The following KAT14 variants were observed in gnomAD, a reference collection of about 807,000 sequenced individuals.
The protein encoded by KAT14 is lysine acetyltransferase 14, also known as cysteine-rich protein 2-binding protein.
In KAT14, 66 loss-of-function variants were observed where a neutral mutation model predicts 78.4. The ratio of observed to expected loss-of-function variants is 0.84; its 90% CI spans 0.69 to 1.03. KAT14 has a LOEUF of 1.03. KAT14 is among the 50% of genes least tolerant of loss of function. The probability of loss-of-function intolerance (pLI) is 0.00; values close to 1 mark genes in which losing one functional copy is unlikely to be tolerated. For synonymous variants in KAT14, 344 were observed against 359.4 expected, an observed-to-expected ratio of 0.96 and a Z score of 0.48; for missense variants, 870 against 972.5, an observed-to-expected ratio of 0.89 and a Z score of 1.40.
At chr20:18,185,734 A>G (rs1451870361) in intron 10 of KAT14, among the ~76,000 whole-genome samples, 2 of 152,198 alleles carry the variant, frequency 1.3e-5, no homozygotes, top group African/African-American at 2.4e-5. Flanking sequence ...GGAGGATTAT[A>G]TGTTTATGCA....
intron 1 of KAT14, among the ~76,000 whole-genome samples, chr20:18,139,990 A>G (rs2037468168): frequency 6.6e-6 from 1 of 152,192 alleles, no homozygotes; most frequent in South Asian, 2.1e-4. Flanking sequence ...GAAAGTTGTT[A>G]GAAAGGTAGT....
In KAT14 at chr20:18,145,365, C is replaced by T. The variant is rs373044420; in HGVS notation, c.378+14C>T. The T allele has an allele frequency of 4.3e-6, 7 of 1,613,536 alleles. No individual in the cohort carries two copies. The African/African-American group carries it at 5.3e-5, about 12-fold the overall frequency. ...ACATGGCAGCAAGTGAGTAAAAAGCCCTTCCCCAAATCCATGAGGGTGGTT... is the reference window on the plus strand; with the variant it reads ...ACATGGCAGCAAGTGAGTAAAAAGCTCTTCCCCAAATCCATGAGGGTGGTT... On this transcript the variant is annotated intron_variant, in intron 3 of 10. Coordinates refer to ENST00000688188, the MANE Select transcript of KAT14 (RefSeq NM_001392073.1).
chr20:18,141,029 T>TTTTA (rs2037534579), intron 1 of KAT14, among the ~76,000 whole-genome samples: 2 of 13,186 alleles, frequency 1.5e-4, no homozygotes, highest in South Asian at 5.4e-3. Flanking sequence ...TGCAATTTTT[T>TTTTA]TTTTTTTTTT....
intron 4 of KAT14, among the ~76,000 whole-genome samples, chr20:18,151,603 T>C (rs963396732): frequency 6.6e-6 from 1 of 152,116 alleles, no homozygotes; most frequent in African/African-American, 2.4e-5. Context: ...GGGATTATGG[T>C]GGGTGTGAAT....
At chr20:18,172,006 A>G (rs908990178) in intron 7 of KAT14, among the ~76,000 whole-genome samples, 3 of 152,216 alleles carry the variant, frequency 2.0e-5, no homozygotes, top group Non-Finnish European at 4.4e-5. Context: ...TCAGATGATC[A>G]TTGGCATTTT....
intron 4 of KAT14, among the ~76,000 whole-genome samples, chr20:18,157,435 C>A (rs1452045014): frequency 6.6e-6 from 1 of 152,148 alleles, no homozygotes; most frequent in Admixed American, 6.5e-5. Flanking sequence ...GTTGCCCAGA[C>A]TTCTGTTTGT....
chr20:18,143,782 C>T (rs755682918), intron 2 of KAT14, among the ~76,000 whole-genome samples: 1 of 151,756 alleles, frequency 6.6e-6, no homozygotes, highest in African/African-American at 2.4e-5. Context: ...CATGCGCCAC[C>T]ATGCCCGGCC....
At chr20:18,176,131 G>A (rs1053791933) in intron 7 of KAT14, among the ~76,000 whole-genome samples, 8 of 151,676 alleles carry the variant, frequency 5.3e-5, no homozygotes, top group South Asian at 2.1e-4. Flanking sequence ...ATGAAACCCC[G>A]TCTCTACTAA....
chr20:18,143,111 A>G (rs546142589), intron 2 of KAT14, 192 bp downstream of exon 2: 24 of 1,344,238 alleles, frequency 1.8e-5, no homozygotes, highest in East Asian at 1.1e-4. Context: ...GTCAACCTCT[A>G]TCACATTGTT....
intron 4 of KAT14, among the ~76,000 whole-genome samples, chr20:18,152,231 C>T (rs931317924): frequency 7.9e-5 from 12 of 151,950 alleles, no homozygotes; most frequent in Non-Finnish European, 5.9e-5. Flanking sequence ...TCACTCGAGC[C>T]CAGGAGTTTG....
chr20:18,143,316 T>C, intron 2 of KAT14: 1 of 386,880 alleles, frequency 2.6e-6, no homozygotes, highest in Non-Finnish European at 3.6e-6. Context: ...CTCCTGCTAT[T>C]GTATACTGAA....
At chr20:18,184,459 G>A (rs1450651240) in intron 9 of KAT14, 143 bp from the exon 10 acceptor site, 2 of 731,278 alleles carry the variant, frequency 2.7e-6, no homozygotes, top group South Asian at 2.1e-5. Context: ...TGGTTGTGTG[G>A]TCTCTATGTT....
intron 3 of KAT14, among the ~76,000 whole-genome samples, chr20:18,148,173 A>G (rs1052437730): frequency 1.3e-5 from 2 of 152,204 alleles, no homozygotes; most frequent in Non-Finnish European, 2.9e-5. Context: ...AAACTTTGAA[A>G]GATTTACCAA....
chr20:18,138,763 CCT>C (rs1568660617), intron 1 of KAT14, among the ~76,000 whole-genome samples: 3 of 151,734 alleles, frequency 2.0e-5, no homozygotes, highest in Non-Finnish European at 4.4e-5. Flanking sequence ...ACTATTCTGT[CCT>C]CTCAGTTCAT....
chr20:18,158,788 G>A (rs1319949294), intron 4 of KAT14, among the ~76,000 whole-genome samples: 1 of 152,192 alleles, frequency 6.6e-6, no homozygotes, highest in Non-Finnish European at 1.5e-5. Context: ...ATTGTGATGA[G>A]AAGTATTTCA....
chr20:18,165,887 A>G (rs367810113), intron 7 of KAT14, among the ~76,000 whole-genome samples: 9 of 152,148 alleles, frequency 5.9e-5, no homozygotes, highest in South Asian at 2.1e-4. Flanking sequence ...AGTGAGCATC[A>G]TCAGCTGGTC....
chr20:18,185,175 T>A (rs1379949934), intron 10 of KAT14, among the ~76,000 whole-genome samples: 3 of 152,238 alleles, frequency 2.0e-5, no homozygotes, highest in Admixed American at 6.5e-5. Context: ...TTTATTTTTT[T>A]AAATATTTGT....
intron 4 of KAT14, among the ~76,000 whole-genome samples, chr20:18,153,291 C>T (rs369649515): frequency 1.1e-4 from 17 of 151,828 alleles, no homozygotes; most frequent in African/African-American, 3.9e-4. Flanking sequence ...TACATTTTTG[C>T]AAAAGGGGTT....
intron 7 of KAT14, among the ~76,000 whole-genome samples, chr20:18,164,047 T>A (rs1307147731): frequency 6.6e-6 from 1 of 152,244 alleles, no homozygotes; most frequent in Non-Finnish European, 1.5e-5. Flanking sequence ...TGAGTGTGGC[T>A]GTGTTCCAGT....
Sources: allele counts gnomAD v4.1 joint callset (sites outside exome capture counted in the v4.1 genomes callset), GRCh38; gene constraint gnomAD v4.1.1; transcripts MANE v1.5; gene names NCBI Gene and HGNC (gene_info 2026-07-23, HGNC 2026-07-21).